The following BACE2 variants were observed in gnomAD, a reference collection of about 807,000 sequenced individuals.
BACE2 encodes the protein beta-secretase 2, also known as 56 kDa aspartic-like protease.
In BACE2, 17 loss-of-function variants were observed where a neutral mutation model predicts 46.2. The observed-to-expected ratio is 0.37, with a 90% confidence interval of 0.25 to 0.55. BACE2 has a LOEUF of 0.55. Among genes scored for constraint, BACE2 ranks in the 20% least tolerant of loss-of-function variants. The pLI is 0.82. For missense variants in BACE2, 595 were observed against 698.1 expected (o/e 0.85, Z 1.66); for synonymous variants, 277 against 295.9 (o/e 0.94, Z 0.66).
At chr21:41,225,233 C>G (rs1350680947) in intron 1 of BACE2, among the ~76,000 whole-genome samples, 2 of 119,172 alleles carry the variant, frequency 1.7e-5, no homozygotes, top group Non-Finnish European at 3.5e-5. Flanking sequence ...GACTCCATCT[C>G]AAAAAAAAAA....
At chr21:41,233,084 A>G (rs1403176653) in intron 2 of BACE2, among the ~76,000 whole-genome samples, 1 of 152,062 alleles carries the variant, frequency 6.6e-6, no homozygotes, top group Non-Finnish European at 1.5e-5. Flanking sequence ...TAGCCAGGAT[A>G]GTCTCGATCT....
intron 1 of BACE2, among the ~76,000 whole-genome samples, chr21:41,171,683 A>G (rs1984616182): frequency 6.6e-6 from 1 of 152,242 alleles, no homozygotes; most frequent in Admixed American, 6.5e-5. Context: ...ATTATGAAAA[A>G]AGAGACTTTC....
At chr21:41,266,106 T>C (rs1285072972) in intron 8 of BACE2, among the ~76,000 whole-genome samples, 1 of 152,234 alleles carries the variant, frequency 6.6e-6, no homozygotes, top group Non-Finnish European at 1.5e-5. Flanking sequence ...TGATATATCT[T>C]ATAGTATTAG....
intron 2 of BACE2, among the ~76,000 whole-genome samples, chr21:41,230,417 G>C (rs143434606): frequency 3.3e-5 from 5 of 152,004 alleles, no homozygotes; most frequent in African/African-American, 1.2e-4. Context: ...TAATGCTTTC[G>C]TGTAACTTTA....
intron 2 of BACE2, among the ~76,000 whole-genome samples, chr21:41,231,030 C>A (rs959168983): frequency 6.6e-6 from 1 of 152,180 alleles, no homozygotes; most frequent in Non-Finnish European, 1.5e-5. Context: ...TTGAAGCTCA[C>A]AGAGCAAGAG....
At chr21:41,229,929 G>T (rs1311728138) in intron 2 of BACE2, among the ~76,000 whole-genome samples, 1 of 152,182 alleles carries the variant, frequency 6.6e-6, no homozygotes, top group South Asian at 2.1e-4. Flanking sequence ...ACCACTCAAG[G>T]TTCTGATCTG....
chr21:41,239,237 G>A (rs1437138842), intron 3 of BACE2, among the ~76,000 whole-genome samples: 1 of 152,152 alleles, frequency 6.6e-6, no homozygotes, highest in Admixed American at 6.5e-5. Context: ...GCCCCTCCAA[G>A]GAGACAGAAT....
intron 1 of BACE2, among the ~76,000 whole-genome samples, chr21:41,171,816 T>C (rs1475006401): frequency 3.9e-5 from 6 of 152,222 alleles, no homozygotes; most frequent in Non-Finnish European, 5.9e-5. Context: ...TCCACTAACA[T>C]AGGTAAAGCA....
intron 8 of BACE2, among the ~76,000 whole-genome samples, chr21:41,265,059 T>C (rs978356651): frequency 6.6e-6 from 1 of 152,218 alleles, no homozygotes; most frequent in Non-Finnish European, 1.5e-5. Flanking sequence ...GGATTTTCTT[T>C]ATCTTCTTTT....
chr21:41,244,143 T>C (rs778632367), intron 5 of BACE2, among the ~76,000 whole-genome samples: 14 of 152,218 alleles, frequency 9.2e-5, no homozygotes, highest in African/African-American at 3.4e-4. Context: ...CAGTCTTCTA[T>C]AGCACTTTTA....
intron 2 of BACE2, among the ~76,000 whole-genome samples, chr21:41,226,570 C>T (rs1315408807): frequency 6.6e-6 from 1 of 152,232 alleles, no homozygotes; most frequent in East Asian, 1.9e-4. Flanking sequence ...ATGGCCTTCA[C>T]GCATTTACAT....
chr21:41,200,241 G>T (rs1022884559), intron 1 of BACE2, among the ~76,000 whole-genome samples: 2 of 151,586 alleles, frequency 1.3e-5, no homozygotes, highest in Non-Finnish European at 2.9e-5. Context: ...GAGCTCTGGA[G>T]TAGAATTCTC....
chr21:41,222,350 A>G (rs1986683811), intron 1 of BACE2, among the ~76,000 whole-genome samples: 1 of 152,210 alleles, frequency 6.6e-6, no homozygotes, highest in African/African-American at 2.4e-5. Flanking sequence ...CCAAAGGGCC[A>G]GCCAGGGTCA....
chr21:41,183,448 C>T (rs1184345511), intron 1 of BACE2: 1 of 166,908 alleles, frequency 6.0e-6, no homozygotes, highest in Non-Finnish European at 1.5e-5. Context: ...AATAAAATGA[C>T]CTATACAAGA....
intron 2 of BACE2, among the ~76,000 whole-genome samples, chr21:41,230,820 A>G (rs1986948974): frequency 6.6e-6 from 1 of 152,206 alleles, no homozygotes; most frequent in Non-Finnish European, 1.5e-5. Context: ...GAGTTACTAT[A>G]GAGCAAAAAA....
chr21:41,223,140 G>A (rs2123568061), intron 1 of BACE2, among the ~76,000 whole-genome samples: 1 of 152,254 alleles, frequency 6.6e-6, no homozygotes, highest in Admixed American at 6.5e-5. Flanking sequence ...GATCACTTGA[G>A]CCCGGGAGTT....
At chr21:41,216,702 G>T (rs997607699) in intron 1 of BACE2, among the ~76,000 whole-genome samples, 2 of 152,222 alleles carry the variant, frequency 1.3e-5, no homozygotes, top group Non-Finnish European at 2.9e-5. Context: ...TGTCACTGGG[G>T]CTGCTGTGTG....
At chr21:41,233,542 T>C (rs1356754205) in intron 2 of BACE2, among the ~76,000 whole-genome samples, 2 of 152,234 alleles carry the variant, frequency 1.3e-5, no homozygotes, top group Non-Finnish European at 2.9e-5. Context: ...TAAATAGATA[T>C]GCAGGCTGGT....
rs1247893504 is a variant in BACE2 at position 41,276,497 on chromosome 21, A to G, written c.*873A>G. The G allele has an allele frequency of 6.6e-6, 1 of 152,272 alleles. No individual in the cohort carries two copies. Among genetic ancestry groups the G allele is most frequent in the Non-Finnish European group, 1.5e-5 (1 of 68,072 alleles). The allele number at this position is 152,272 out of a possible 1,614,324, so 9.4% of individuals were successfully genotyped here. On this transcript the variant is annotated 3_prime_UTR_variant, in exon 9 of 9. Coordinates refer to ENST00000330333, the MANE Select transcript of BACE2 (RefSeq NM_012105.5). Reference sequence around the variant, plus strand: ...AGACCCAACAGGTGCTGAACTGTGCATCAACCAGGAAGAGTTCTATCCCCA... The same window carrying G: ...AGACCCAACAGGTGCTGAACTGTGCGTCAACCAGGAAGAGTTCTATCCCCA...
Sources: gnomAD v4.1 joint callset for allele counts (sites outside exome capture counted in the v4.1 genomes callset) on GRCh38, gnomAD v4.1.1 for gene constraint, MANE v1.5 for transcripts, NCBI Gene and HGNC (gene_info 2026-07-23, HGNC 2026-07-21) for gene names.